The following NRG4 variants were observed in gnomAD, a reference collection of about 807,000 sequenced individuals.
The protein encoded by NRG4 is pro-neuregulin-4, membrane-bound isoform.
Under a neutral mutation model 15.0 loss-of-function variants are expected in NRG4, and 10 were observed. The observed-to-expected ratio is 0.67, with a 90% CI of 0.41 to 1.13. The LOEUF (loss-of-function observed/expected upper bound fraction) is 1.13. Among genes scored for constraint, NRG4 ranks in the 50% most tolerant of loss-of-function variants. NRG4 has a pLI of 0.00. For synonymous variants in NRG4, 41 were observed against 50.1 expected (o/e 0.82, Z 0.77); for missense variants, 139 against 140.2 (o/e 0.99, Z 0.04).
chr15:76,026,900 A>G (rs973564252), intron 5 of NRG4, among the ~76,000 whole-genome samples: 4 of 152,144 alleles, frequency 2.6e-5, no homozygotes, highest in African/African-American at 9.7e-5. Flanking sequence ...AGGTGGGTGG[A>G]TCATGAGGTC....
intron 4 of NRG4, among the ~76,000 whole-genome samples, chr15:76,044,962 C>T (rs1386497663): frequency 6.7e-6 from 1 of 149,606 alleles, no homozygotes; most frequent in Non-Finnish European, 1.5e-5. Context: ...AAACAATCAA[C>T]AAAAGGCTTC....
chr15:76,034,300 C>G (rs1226652758), intron 5 of NRG4, among the ~76,000 whole-genome samples: 1 of 152,186 alleles, frequency 6.6e-6, no homozygotes, highest in African/African-American at 2.4e-5. Context: ...ATGGGAAGCA[C>G]ACATTGTCAA....
At chr15:75,944,502 A>G (rs1232710906) in intron 5 of NRG4, among the ~76,000 whole-genome samples, 1 of 152,226 alleles carries the variant, frequency 6.6e-6, no homozygotes, top group African/African-American at 2.4e-5. Flanking sequence ...GGAGGCTTAC[A>G]TTCCAGAAGC....
chr15:75,993,357 A>G (rs2034093474), intron 3 of NRG4, among the ~76,000 whole-genome samples: 1 of 139,484 alleles, frequency 7.2e-6, no homozygotes, highest in South Asian at 2.3e-4. Flanking sequence ...TATGTCAGTC[A>G]TTTAACATCA....
At chr15:76,048,563 G>C (rs1291401176) in intron 4 of NRG4, among the ~76,000 whole-genome samples, 1 of 148,958 alleles carries the variant, frequency 6.7e-6, no homozygotes, top group Non-Finnish European at 1.5e-5. Context: ...TCCATTCTTT[G>C]CTGCCAGAAA....
intron 3 of NRG4, among the ~76,000 whole-genome samples, chr15:75,976,654 C>T (rs1010050413): frequency 3.3e-5 from 5 of 152,194 alleles, no homozygotes; most frequent in East Asian, 1.9e-4. Context: ...GTATCACCAG[C>T]GGAGGCTGCA....
intron 3 of NRG4, among the ~76,000 whole-genome samples, chr15:75,974,660 G>A (rs2033281794): frequency 6.6e-6 from 1 of 152,172 alleles, no homozygotes; most frequent in Non-Finnish European, 1.5e-5. Flanking sequence ...CCATGTAGTT[G>A]TGTGGCTTTG....
intron 5 of NRG4, among the ~76,000 whole-genome samples, chr15:76,021,688 T>C (rs894431834): frequency 2.0e-5 from 3 of 152,264 alleles, no homozygotes; most frequent in African/African-American, 7.2e-5. Flanking sequence ...ATATGGGAGA[T>C]AATCTGTGAC....
intron 3 of NRG4, among the ~76,000 whole-genome samples, chr15:75,986,407 A>G (rs1004115031): frequency 6.6e-6 from 1 of 152,210 alleles, no homozygotes; most frequent in African/African-American, 2.4e-5. Context: ...GATAAGTAAC[A>G]ACCCAAATGT....
intron 3 of NRG4, chr15:76,005,695 A>AG: frequency 2.9e-6 from 1 of 345,472 alleles, no homozygotes; most frequent in Non-Finnish European, 5.6e-6. Context: ...AAAAAAAAAA[A>AG]AAAAGGAAAG....
At chr15:76,043,844 A>G (rs543618202) in intron 4 of NRG4, among the ~76,000 whole-genome samples, 1 of 152,370 alleles carries the variant, frequency 6.6e-6, no homozygotes, top group Admixed American at 6.5e-5. Context: ...ATGCTAAGCA[A>G]AAAGAACAAA....
intron 3 of NRG4, among the ~76,000 whole-genome samples, chr15:75,965,069 C>T (rs1466498824): frequency 6.6e-6 from 1 of 151,688 alleles, no homozygotes; most frequent in Non-Finnish European, 1.5e-5. Context: ...ACTAAAAATA[C>T]AAAAAAATTA....
intron 3 of NRG4, among the ~76,000 whole-genome samples, chr15:75,980,344 C>T (rs1181322870): frequency 6.7e-6 from 1 of 149,192 alleles, no homozygotes; most frequent in Non-Finnish European, 1.5e-5. Flanking sequence ...TTTAAAAATA[C>T]TGGGTAAATT....
chr15:76,022,409 T>G (rs969914708), intron 5 of NRG4, among the ~76,000 whole-genome samples: 1 of 134,182 alleles, frequency 7.5e-6, no homozygotes, highest in African/African-American at 2.7e-5. Flanking sequence ...CAGACACATA[T>G]GTATGTCAAT....
rs2033825454 is a variant in NRG4, at chr15:75,987,100, C to T, written c.104+22100G>A. ...AATCCTAAAGCAATCCCTAGGCCCCCAGATCACAACAGCAGGAAGTGAGCT... is the reference window on the plus strand; with the variant it reads ...AATCCTAAAGCAATCCCTAGGCCCCTAGATCACAACAGCAGGAAGTGAGCT... On this transcript the variant is annotated intron_variant, in intron 3 of 5. Transcript: ENST00000394907. Among the ~76,000 whole-genome samples, 3 of 152,150 alleles carry T rather than the reference C, an allele frequency of 2.0e-5. No homozygotes were observed. In the South Asian group the frequency reaches 6.2e-4, roughly 32 times the overall value.
At chr15:75,980,009 G>A (rs1354768498) in intron 3 of NRG4, among the ~76,000 whole-genome samples, 1 of 152,050 alleles carries the variant, frequency 6.6e-6, no homozygotes, top group South Asian at 2.1e-4. Context: ...CTTGAAAGAC[G>A]TTTGTGGCTA....
chr15:76,048,299 C>T (rs959730285), intron 4 of NRG4, among the ~76,000 whole-genome samples: 1 of 150,232 alleles, frequency 6.7e-6, no homozygotes, highest in Non-Finnish European at 1.5e-5. Flanking sequence ...TGGTAAAACC[C>T]CATCTCTACT....
intron 3 of NRG4, among the ~76,000 whole-genome samples, chr15:75,989,675 T>C (rs1364193915): frequency 6.6e-6 from 1 of 152,238 alleles, no homozygotes. Context: ...GGTTTTCTTT[T>C]AAATTCTTTA....
intron 5 of NRG4, among the ~76,000 whole-genome samples, chr15:76,028,858 G>A (rs1370367197): frequency 6.9e-6 from 1 of 144,076 alleles, no homozygotes; most frequent in Non-Finnish European, 1.5e-5. Flanking sequence ...GAACTGAGAT[G>A]TGCCACTGCA....
Sources: allele counts gnomAD v4.1 joint callset (sites outside exome capture counted in the v4.1 genomes callset), GRCh38; gene constraint gnomAD v4.1.1; transcripts MANE v1.5; gene names NCBI Gene and HGNC (gene_info 2026-07-23, HGNC 2026-07-21).